NKTR: variants seen among roughly 807,000 people sequenced by gnomAD.
The protein encoded by NKTR is NK-tumor recognition protein.
A neutral mutation model predicts 156.3 loss-of-function variants in NKTR; 67 were observed. The observed-to-expected ratio is 0.43, with a 90% CI of 0.35 to 0.53. The LOEUF (loss-of-function observed/expected upper bound fraction) is 0.53. Among genes scored for constraint, NKTR ranks in the 20% least tolerant of loss-of-function variants. The probability of loss-of-function intolerance (pLI) is 0.01; values close to 1 mark genes in which losing one functional copy is unlikely to be tolerated. For synonymous variants in NKTR, 640 were observed against 596.6 expected (o/e 1.07, Z -1.06); for missense variants, 1,604 against 1,730.9 (o/e 0.93, Z 1.30).
Position 42,637,450 on chromosome 3 carries a change from A to C in NKTR, c.1746A>C (p.Thr582=), listed in dbSNP as rs1374324919. Reference sequence around the variant, plus strand: ...TAAGTGAAAATAAACCAGTTAAAACAGAACCTTTAAGAGCAACCATGGCAC... The same window carrying C: ...TAAGTGAAAATAAACCAGTTAAAACCGAACCTTTAAGAGCAACCATGGCAC... ...SQLSENKPVK[T]EPLRATMAQN... The change falls in exon 13 of 17, where the codon ACA becomes ACC. Residue 582 remains threonine (T), a synonymous_variant. Coordinates refer to ENST00000232978, the MANE Select transcript of NKTR (RefSeq NM_005385.4). The C allele has an allele frequency of 5.0e-6, 8 of 1,612,952 alleles. No individual in the cohort carries two copies. In the East Asian group the frequency reaches 1.8e-4, roughly 36 times the overall value.
At chr3:42,631,435 C>T in intron 8 of NKTR, 119 bp downstream of exon 8, 1 of 1,096,382 alleles carries the variant, frequency 9.1e-7, no homozygotes, top group Non-Finnish European at 1.3e-6. Flanking sequence ...GCCCCTGAAT[C>T]ATACCCTACA....
rs150617855 is a variant in NKTR at position 42,639,618 on chromosome 3, G to A, written c.3914G>A (p.Arg1305Gln). 3.2e-5 allele frequency: 51 copies of A among 1,614,014 alleles called. No homozygotes were observed. Among genetic ancestry groups the A allele is most frequent in the Middle Eastern group, 1.6e-4 (1 of 6,084 alleles). The change falls in exon 13 of 17, where the codon CGG becomes CAG. Residue 1305 changes from arginine (R) to glutamine (Q), a missense_variant. Transcript: ENST00000232978. ...TCAAGTGATGAGCAGACGCCTAGTC[G>A]GGATGATGATAGCCAGTCCAGGAGT... ...ESSSDEQTPS[R>Q]DDDSQSRSPS...
At position 42,637,439 on chromosome 3, in the gene NKTR, C is replaced by G. The variant is rs764142260; in HGVS notation, c.1735C>G (p.Pro579Ala). The G allele has an allele frequency of 6.2e-6, 10 of 1,612,486 alleles. No homozygotes were observed. Among genetic ancestry groups the G allele is most frequent in the Non-Finnish European group, 8.5e-6 (10 of 1,179,564 alleles). ...AGCTTCTCAGTTAAGTGAAAATAAA[C>G]CAGTTAAAACAGAACCTTTAAGAGC... ...KTASQLSENK[P>A]VKTEPLRATM... The change falls in exon 13 of 17, where the codon CCA becomes GCA. Residue 579 changes from proline (P) to alanine (A), a missense_variant. Physicochemically the swap from Pro to Ala is conservative, Grantham distance 27. Around this residue, in one of 6 missense-constraint regions of NKTR, gnomAD observed 1,255 missense variants for 1,243.7 expected, o/e 1.01. Transcript: ENST00000232978.
intron 14 of NKTR, among the ~76,000 whole-genome samples, chr3:42,642,823 G>T (rs1428424389): frequency 1.3e-5 from 2 of 152,142 alleles, no homozygotes; most frequent in African/African-American, 4.8e-5. Flanking sequence ...TATTTAAGAA[G>T]CCTTGACCCC....
rs775887736 is a variant in NKTR at position 42,636,948 on chromosome 3, A to T, written c.1244A>T (p.Tyr415Phe). The change falls in exon 13 of 17, where the codon TAT (tyrosine) becomes TTT (phenylalanine). Residue 415 changes from tyrosine to phenylalanine, a missense_variant. Transcript: ENST00000232978. ...RSRSWSYNGYYSDLSTARHSG... is the reference protein window; with the variant it reads ...RSRSWSYNGYFSDLSTARHSG... ...AGATCATGGTCCTATAATGGATATTATTCAGACCTTAGTACAGCAAGACAC... is the reference window on the plus strand; with the variant it reads ...AGATCATGGTCCTATAATGGATATTTTTCAGACCTTAGTACAGCAAGACAC... 2.0e-5 allele frequency: 32 copies of T among 1,607,050 alleles called. No individual in the cohort carries two copies. In the Admixed American group the frequency reaches 2.9e-4, roughly 15 times the overall value.
intron 11 of NKTR, chr3:42,634,968 T>A (rs1172050471): frequency 2.2e-6 from 1 of 452,228 alleles, no homozygotes; most frequent in East Asian, 3.5e-5. Flanking sequence ...AAATTTTATG[T>A]GGATTACAGG....
At chr3:42,639,779 C>G in intron 13 of NKTR, 29 bp downstream of exon 13, 1 of 1,443,496 alleles carries the variant, frequency 6.9e-7, no homozygotes, top group Admixed American at 1.9e-5. Flanking sequence ...CCTTTCTTCT[C>G]CCAAGGAGAG....
rs772445330 is a variant in NKTR at position 42,636,943 on chromosome 3, A to G, written c.1239A>G (p.Gly413=). Residue 413 remains glycine, a synonymous_variant, in exon 13 of 17, where the codon GGA becomes GGG. Transcript: ENST00000232978. ...SQRSRSWSYN[G]YYSDLSTARH... is the part of the protein sequence containing the mutation. ...GATCCAGATCATGGTCCTATAATGG[A>G]TATTATTCAGACCTTAGTACAGCAA... 1 of 1,604,000 alleles carries G rather than the reference A, an allele frequency of 6.2e-7. No homozygotes were observed. The highest frequency in any genetic ancestry group is 8.5e-7 in the Non-Finnish European group (1 of 1,177,680).
intron 3 of NKTR, among the ~76,000 whole-genome samples, chr3:42,618,044 T>G (rs1319638671): frequency 1.3e-5 from 2 of 152,054 alleles, no homozygotes; most frequent in Non-Finnish European, 2.9e-5. Context: ...ACATCTATAA[T>G]GTTACTTTAA....
At chr3:42,624,070 C>T (rs1371794784) in intron 6 of NKTR, among the ~76,000 whole-genome samples, 2 of 152,130 alleles carry the variant, frequency 1.3e-5, no homozygotes, top group African/African-American at 4.8e-5. Context: ...CATCTAAAAA[C>T]TCCCCCTTCC....
chr3:42,640,630 A>G (rs528496714), intron 13 of NKTR, among the ~76,000 whole-genome samples: 2 of 152,300 alleles, frequency 1.3e-5, no homozygotes, highest in East Asian at 3.9e-4. Context: ...GCCACGTGCC[A>G]TCTATACTCG....
chr3:42,605,948 A>G (rs769167398), intron 2 of NKTR, among the ~76,000 whole-genome samples: 5 of 152,236 alleles, frequency 3.3e-5, no homozygotes, highest in Non-Finnish European at 5.9e-5. Flanking sequence ...ATTAAGGAGC[A>G]CAATTTTAAT....
Position 42,635,323 on chromosome 3 carries a change from G to A in NKTR, c.1120G>A (p.Ala374Thr). The A allele has an allele frequency of 6.2e-7, 1 of 1,613,304 alleles. No homozygotes were observed. The highest frequency in any genetic ancestry group is 8.5e-7 in the Non-Finnish European group (1 of 1,179,568). Residue 374 changes from alanine (A) to threonine (T), a missense_variant, in exon 12 of 17, where the codon GCA (alanine) becomes ACA (threonine). Physicochemically the swap from Ala to Thr is moderately conservative, Grantham distance 58. Around this residue, in one of 6 missense-constraint regions of NKTR, gnomAD observed 1,255 missense variants for 1,243.7 expected, o/e 1.01. Transcript: ENST00000232978. ...HWKEEMQRLR[A>T]YRPPSGEKWS... ...GAAAGAGGAAATGCAGAGATTAAGA[G>A]CATATAGACCACCTAGTGGAGAAAA...
At position 42,633,380 on chromosome 3, in the gene NKTR, A is replaced by G. The variant is rs927522592; in HGVS notation, c.774-200A>G. 1.2e-5 allele frequency: 16 copies of G among 1,358,088 alleles called. No homozygotes were observed. The Admixed American group carries it at 2.7e-4, about 23-fold the overall frequency. 84.1% of individuals were successfully genotyped at this position (1,358,088 alleles called of 1,614,324 possible). ...AAAATAAAAAAGTTAGGATCATTTA[A>G]CAATTTTCCTATCAAAATTCTAGTC... On this transcript the variant is annotated intron_variant, in intron 9 of 16. Transcript: ENST00000232978.
rs1709677844 is a variant in NKTR at position 42,639,272 on chromosome 3, G to A, written c.3568G>A (p.Glu1190Lys). Residue 1190 changes from glutamate (E) to lysine (K), a missense_variant, in exon 13 of 17, where the codon GAA (glutamate) becomes AAA (lysine). Glu to Lys is a moderately conservative substitution (Grantham distance 56). Around this residue, in one of 6 missense-constraint regions of NKTR, gnomAD observed 1,255 missense variants for 1,243.7 expected, o/e 1.01. Transcript: ENST00000232978. ...CATGTCCGAAAGTAAAGTGTTGGGTGAAGTGGGGAAACAGGACAGCAGCTC... is the reference window on the plus strand; with the variant it reads ...CATGTCCGAAAGTAAAGTGTTGGGTAAAGTGGGGAAACAGGACAGCAGCTC... ...SSMSESKVLG[E>K]VGKQDSSSAS... 1 of 1,614,220 alleles carries A rather than the reference G, an allele frequency of 6.2e-7. No homozygotes were observed. Among genetic ancestry groups the A allele is most frequent in the Non-Finnish European group, 8.5e-7 (1 of 1,180,018 alleles).
chr3:42,617,462 TG>T, intron 2 of NKTR, 107 bp from the exon 3 acceptor site: 1 of 601,386 alleles, frequency 1.7e-6, no homozygotes. Flanking sequence ...AAAATTAAAA[TG>T]AATTACAAAA....
chr3:42,620,614 AT>A, intron 5 of NKTR: 1 of 983,610 alleles, frequency 1.0e-6, no homozygotes, highest in African/African-American at 1.7e-5. Flanking sequence ...TCTGAAGAAG[AT>A]TTGTTTGTAT....
At chr3:42,608,594 T>C (rs958818844) in intron 2 of NKTR, among the ~76,000 whole-genome samples, 1 of 152,166 alleles carries the variant, frequency 6.6e-6, no homozygotes, top group African/African-American at 2.4e-5. Context: ...GTATGTATGA[T>C]CAATTATTTC....
At chr3:42,624,042 C>G (rs972303500) in intron 6 of NKTR, among the ~76,000 whole-genome samples, 7 of 152,108 alleles carry the variant, frequency 4.6e-5, no homozygotes, top group Non-Finnish European at 8.8e-5. Flanking sequence ...GCATTAACTA[C>G]TGTCTTCATT....
Sources: gnomAD v4.1 joint callset for allele counts (sites outside exome capture counted in the v4.1 genomes callset) on GRCh38, gnomAD v4.1.1 for gene constraint, gnomAD v4.1.1 regional missense constraint, MANE v1.5 for transcripts, NCBI Gene and HGNC (gene_info 2026-07-23, HGNC 2026-07-21) for gene names.